Variants in SLC12A6 observed in about 807,000 individuals in gnomAD.
SLC12A6 encodes the protein solute carrier family 12 member 6, also known as K-Cl cotransporter 3.
SLC12A6 carries 66 observed loss-of-function variants against 135.3 expected under a neutral mutation model. That is an observed-to-expected ratio of 0.49 (90% CI 0.40 to 0.60). SLC12A6 has a LOEUF of 0.60. SLC12A6 is among the 20% of genes least tolerant of loss of function. SLC12A6 has a pLI of 0.00. For missense variants in SLC12A6, 1,058 were observed against 1,452.3 expected, an observed-to-expected ratio of 0.73 and a Z score of 4.41; for synonymous variants, 513 against 508.8, an observed-to-expected ratio of 1.01 and a Z score of -0.11.
intron 2 of SLC12A6, chr15:34,299,472 G>A (rs1896094573): frequency 6.6e-6 from 1 of 152,166 alleles, no homozygotes; most frequent in Non-Finnish European, 1.5e-5. Context: ...ACCCCTAAGG[G>A]GCTTACAGCA....
At chr15:34,285,854 A>G in intron 2 of SLC12A6, among the ~76,000 whole-genome samples, 1 of 152,110 alleles carries the variant, frequency 6.6e-6, no homozygotes, top group East Asian at 1.9e-4. Context: ...ATATGATTCC[A>G]CTTATATTAG....
chr15:34,229,923 T>C lies in SLC12A6; in HGVS notation c.*3958A>G. The C allele has an allele frequency of 1.2e-6, 1 of 815,982 alleles. No homozygotes were observed. Among genetic ancestry groups the C allele is most frequent in the Non-Finnish European group, 2.1e-6 (1 of 478,866 alleles). The allele number at this position is 815,982 out of a possible 1,614,324, so 50.5% of individuals were successfully genotyped here. A position where few individuals can be genotyped will look rare whatever the true frequency, so the allele number is the denominator to read the frequency against. The stretch of plus-strand genomic sequence containing the variant: ...AACCAAAAGACTCTTTTCTCCATGG[T>C]GGGGTGACAGGTCCTAGAAGGACAA... On this transcript the variant is annotated 3_prime_UTR_variant, in exon 26 of 26. Coordinates refer to ENST00000354181, the MANE Select transcript of SLC12A6 (RefSeq NM_001365088.1).
rs144762162 is a variant in SLC12A6, at chr15:34,301,169, A to G, written c.272-25780T>C. ...TTTTTAGTAGAGACAGGGTTTCACC[A>G]TGTCGGTCAGGCTGGTCTTGAACTC... On this transcript the variant is annotated intron_variant, in intron 2 of 25. Transcript: ENST00000354181. Among the ~76,000 whole-genome samples the G allele has an allele frequency of 2.2e-3, 332 of 152,182 alleles. 1 individual carries two copies. Among genetic ancestry groups the G allele is most frequent in the Non-Finnish European group, 3.8e-3 (257 of 68,002 alleles).
At chr15:34,274,533 G>T (rs1050941648) in intron 3 of SLC12A6, among the ~76,000 whole-genome samples, 2 of 152,124 alleles carry the variant, frequency 1.3e-5, no homozygotes, top group African/African-American at 4.8e-5. Flanking sequence ...TTCCTGTCAA[G>T]GCCGGGTGCA....
intron 2 of SLC12A6, among the ~76,000 whole-genome samples, chr15:34,304,203 T>C (rs568552566): frequency 6.6e-6 from 1 of 152,350 alleles, no homozygotes; most frequent in South Asian, 2.1e-4. Flanking sequence ...ACTAGATTCC[T>C]TAACTTGCAT....
intron 3 of SLC12A6, among the ~76,000 whole-genome samples, chr15:34,263,571 G>A (rs1050094177): frequency 6.6e-6 from 1 of 151,802 alleles, no homozygotes; most frequent in Non-Finnish European, 1.5e-5. Flanking sequence ...AGGCCCATAA[G>A]ACAGCAAACT....
chr15:34,335,544 T>A (rs1890141487), intron 2 of SLC12A6, among the ~76,000 whole-genome samples: 1 of 152,224 alleles, frequency 6.6e-6, no homozygotes, highest in Non-Finnish European at 1.5e-5. Flanking sequence ...AAACTAAATA[T>A]ATAAAGCAGT....
chr15:34,316,527 AAT>A (rs1260963553), intron 2 of SLC12A6, among the ~76,000 whole-genome samples: 3 of 152,244 alleles, frequency 2.0e-5, no homozygotes, highest in Non-Finnish European at 2.9e-5. Context: ...CTTGCTAAGC[AAT>A]AGTTTATTCA....
At chr15:34,323,389 TGA>T (rs1889251084) in intron 2 of SLC12A6, among the ~76,000 whole-genome samples, 1 of 151,846 alleles carries the variant, frequency 6.6e-6, no homozygotes, top group South Asian at 2.1e-4. Context: ...CAGCAGGAGG[TGA>T]GAGGCAGGCA....
chr15:34,336,490 G>C lies in SLC12A6; in HGVS notation c.191C>G (p.Ser64Cys), dbSNP rs1416952344. The C allele has an allele frequency of 4.3e-6, 7 of 1,613,668 alleles. No individual in the cohort carries two copies. The highest frequency in any genetic ancestry group is 1.1e-5 in the South Asian group (1 of 91,058). Reference sequence around the variant, plus strand: ...AGTTGCCAGCGAAGTGGTGGCCCCAGACATCTCACTCATAGGCTCACTCCG... The same window carrying C: ...AGTTGCCAGCGAAGTGGTGGCCCCACACATCTCACTCATAGGCTCACTCCG... ...TSRSEPMSEM[S>C]GATTSLATVA... is the part of the protein sequence containing the mutation. The change falls in exon 2 of 26, where the codon TCT (serine) becomes TGT (cysteine). Residue 64 changes from serine to cysteine, a missense_variant. Transcript: ENST00000354181.
At chr15:34,256,954 T>A (rs373727133) in intron 6 of SLC12A6, among the ~76,000 whole-genome samples, 1 of 152,036 alleles carries the variant, frequency 6.6e-6, no homozygotes, top group Non-Finnish European at 1.5e-5. Context: ...AGCCTGAGAC[T>A]AAAAAAAGGT....
intron 13 of SLC12A6, among the ~76,000 whole-genome samples, chr15:34,248,795 CCT>C (rs1038573797): frequency 1.3e-5 from 2 of 152,058 alleles, no homozygotes; most frequent in African/African-American, 4.8e-5. Flanking sequence ...GGAGTGTTTA[CCT>C]CTGTTTGGGT....
intron 9 of SLC12A6, among the ~76,000 whole-genome samples, chr15:34,253,943 G>A (rs985849920): frequency 6.6e-6 from 1 of 152,350 alleles, no homozygotes; most frequent in Non-Finnish European, 1.5e-5. Flanking sequence ...TAGGCTGGGC[G>A]CAGTGGCTCA....
At position 34,258,815 on chromosome 15, in the gene SLC12A6, T is replaced by C; in HGVS notation, c.541A>G (p.Lys181Glu). The C allele has an allele frequency of 6.2e-7, 1 of 1,613,128 alleles. No homozygotes were observed. The highest frequency in any genetic ancestry group is 8.5e-7 in the Non-Finnish European group (1 of 1,179,098). Residue 181 changes from lysine (K) to glutamate (E), a missense_variant and splice_region_variant, in exon 5 of 26, where the codon AAG (lysine) becomes GAG (glutamate). Coordinates refer to ENST00000354181, the MANE Select transcript of SLC12A6 (RefSeq NM_001365088.1). ...TCCTTGTTATTCTGAGGCCTCACCT[T>C]GGTGGGCTTCTTTTTCCCTTCAGTG... ...NITEGKKKPT[K>E]TPQMGTFMGV...
intron 2 of SLC12A6, among the ~76,000 whole-genome samples, chr15:34,276,450 T>C (rs1209222279): frequency 6.6e-6 from 1 of 152,204 alleles, no homozygotes; most frequent in Non-Finnish European, 1.5e-5. Context: ...GCAAGAGATA[T>C]TGACAATCAT....
intron 2 of SLC12A6, among the ~76,000 whole-genome samples, chr15:34,320,111 G>A (rs996460047): frequency 6.6e-6 from 1 of 152,126 alleles, no homozygotes; most frequent in African/African-American, 2.4e-5. Context: ...CTCTGTTATT[G>A]GGAATGCCTT....
Position 34,231,177 on chromosome 15 carries a change from C to G in SLC12A6, c.*2704G>C, listed in dbSNP as rs1890897659. On this transcript the variant is annotated 3_prime_UTR_variant, in exon 26 of 26. Coordinates refer to ENST00000354181, the MANE Select transcript of SLC12A6 (RefSeq NM_001365088.1). ...AGACCAGCCTGACCAACATCAGTTT[C>G]AGTAGAGAAACCCCGTCTCTACTGA... is the stretch of plus-strand genomic sequence containing the variant. 6.6e-6 allele frequency: 1 copy of G among 152,164 alleles called. No individual in the cohort carries two copies. Among genetic ancestry groups the G allele is most frequent in the African/African-American group, 2.4e-5 (1 of 41,404 alleles). 9.4% of individuals were successfully genotyped at this position (152,164 alleles called of 1,614,324 possible).
rs1890189560 is a variant in SLC12A6 at position 34,336,307 on chromosome 15, T to C, written c.271+103A>G. ...AGATGCCTTGGTTCCTGATGACTAT[T>C]ATAATCATAATTATATGATTATGAT... On this transcript the variant is annotated intron_variant, in intron 2 of 25. Coordinates refer to ENST00000354181, the MANE Select transcript of SLC12A6 (RefSeq NM_001365088.1). 13 of 957,418 alleles carry C rather than the reference T, an allele frequency of 1.4e-5. No homozygotes were observed. The South Asian group carries it at 1.8e-4, about 13-fold the overall frequency. The allele number at this position is 957,418 out of a possible 1,614,324, so 59.3% of individuals were successfully genotyped here.
At position 34,235,265 on chromosome 15, in the gene SLC12A6, C is replaced by T. The variant is rs765311588; in HGVS notation, c.3277G>A (p.Val1093Ile). ...GCTTCATGGGACTTGTTAACTATAA[C>T]CTCGTTGAGTTTCACTGCTGTATGC... ...RMHTAVKLNE[V>I]IVNKSHEAKL... Residue 1093 changes from valine to isoleucine, a missense_variant, in exon 25 of 26, where the codon GTT becomes ATT. This residue lies in a region of SLC12A6 where 245 missense variants were observed against 440.8 expected (regional missense o/e 0.56). Transcript: ENST00000354181. The T allele has an allele frequency of 6.2e-7, 1 of 1,612,552 alleles. No homozygotes were observed. Among genetic ancestry groups the T allele is most frequent in the Non-Finnish European group, 8.5e-7 (1 of 1,178,622 alleles).
Sources: allele counts gnomAD v4.1 joint callset (sites outside exome capture counted in the v4.1 genomes callset), GRCh38; gene constraint gnomAD v4.1.1; regional missense constraint gnomAD v4.1.1; transcripts MANE v1.5; gene names NCBI Gene and HGNC (gene_info 2026-07-23, HGNC 2026-07-21).